The following RGS8 variants were observed in gnomAD, a reference collection of about 807,000 sequenced individuals.
RGS8 encodes the protein regulator of G protein signaling 8.
RGS8 carries 8 observed loss-of-function variants against 21.7 expected under a neutral mutation model. That is an observed-to-expected ratio of 0.37 (90% confidence interval 0.22 to 0.66). The LOEUF (loss-of-function observed/expected upper bound fraction) is 0.66. Ranked by LOEUF, RGS8 falls within the 30% of genes least tolerant of loss-of-function variation. The pLI, the probability that RGS8 is intolerant of heterozygous loss-of-function variation, is 0.59. For synonymous variants in RGS8, 80 were observed against 83.6 expected (o/e 0.96, Z 0.24); for missense variants, 157 against 217.9 (o/e 0.72, Z 1.76).
At chr1:182,662,558 G>A (rs12088107) in intron 5 of RGS8, among the ~76,000 whole-genome samples, 5,064 of 152,304 alleles carry the variant, frequency 0.033, 279 homozygotes, top group African/African-American at 0.12. Context: ...TCGCTTAATT[G>A]TCCAAAAGCA....
chr1:182,688,707 G>A (rs1290653472), upstream of RGS8, among the ~76,000 whole-genome samples: 1 of 152,136 alleles, frequency 6.6e-6, no homozygotes, highest in Non-Finnish European at 1.5e-5. Context: ...AACTATGAGA[G>A]GGACTCAACC....
At chr1:182,720,921 A>G in the RGS8 span, among the ~76,000 whole-genome samples, 468 of 104,560 alleles carry the variant, frequency 4.5e-3, 23 homozygotes, top group East Asian at 5.3e-3. Context: ...GTGTATATAC[A>G]TATATACATA....
chr1:182,735,681 C>T, the RGS8 span, among the ~76,000 whole-genome samples: 1 of 152,188 alleles, frequency 6.6e-6, no homozygotes, highest in Non-Finnish European at 1.5e-5. Flanking sequence ...TTGAATAAGT[C>T]TGTGCCTCTA....
intron 6 of RGS8, 56 bp from the exon 8 acceptor site, chr1:182,646,973 C>A: frequency 6.9e-7 from 1 of 1,445,516 alleles, no homozygotes; most frequent in Non-Finnish European, 9.5e-7. Flanking sequence ...AGGTTTCTGG[C>A]AGCTGGCCCT....
chr1:182,722,363 C>CAAAAAAAAAAAAAAA, the RGS8 span, among the ~76,000 whole-genome samples: 3 of 79,404 alleles, frequency 3.8e-5, no homozygotes, highest in African/African-American at 5.0e-5. Flanking sequence ...AGCAAATTAC[C>CAAAAAAAAAAAAAAA]AAAAAAAAAA....
At chr1:182,646,619 G>A (rs1390489746) in exon 7 of RGS8, 5 of 906,506 alleles carry the variant, frequency 5.5e-6, no homozygotes, top group African/African-American at 1.7e-5. Flanking sequence ...CTCACCCCCA[G>A]CCTCCCACCC....
intron 3 of RGS8, among the ~76,000 whole-genome samples, chr1:182,668,134 G>A (rs1392037814): frequency 6.6e-6 from 1 of 152,226 alleles, no homozygotes; most frequent in African/African-American, 2.4e-5. Context: ...TTGGGTAGTT[G>A]CAGCACAGAC....
chr1:182,651,818 T>C (rs929628616), intron 5 of RGS8, among the ~76,000 whole-genome samples: 2 of 151,602 alleles, frequency 1.3e-5, no homozygotes, highest in African/African-American at 4.9e-5. Context: ...GAAAAACAGC[T>C]GGAGCTGTGG....
chr1:182,646,630 C>A (rs150220933), exon 7 of RGS8: 1 of 1,091,246 alleles, frequency 9.2e-7, no homozygotes, highest in South Asian at 1.6e-5. Flanking sequence ...CCTCCCACCC[C>A]CAATGCCACC....
the RGS8 span, among the ~76,000 whole-genome samples, chr1:182,713,167 C>T: frequency 6.6e-6 from 1 of 151,994 alleles, no homozygotes; most frequent in East Asian, 1.9e-4. Flanking sequence ...AACAAAATTG[C>T]TCTCTTTATT....
chr1:182,708,783 G>T, the RGS8 span, among the ~76,000 whole-genome samples: 2 of 152,246 alleles, frequency 1.3e-5, no homozygotes, highest in Non-Finnish European at 2.9e-5. Flanking sequence ...CTTGGGAACT[G>T]TTGTGTCAGC....
At chr1:182,732,637 G>A in the RGS8 span, among the ~76,000 whole-genome samples, 281 of 152,284 alleles carry the variant, frequency 1.8e-3, no homozygotes, top group African/African-American at 6.4e-3. Flanking sequence ...AAACTTAAGT[G>A]TAATAGTGAC....
At chr1:182,746,582 G>A in the RGS8 span, among the ~76,000 whole-genome samples, 1 of 152,042 alleles carries the variant, frequency 6.6e-6, no homozygotes, top group Non-Finnish European at 1.5e-5. Context: ...AACTCAAAAG[G>A]CAGAGGTTGC....
chr1:182,678,892 C>T (rs1034369235), intron 1 of RGS8, among the ~76,000 whole-genome samples: 3 of 152,080 alleles, frequency 2.0e-5, no homozygotes, highest in South Asian at 2.1e-4. Flanking sequence ...ATCTCCTGTC[C>T]CATCAAGATC....
the RGS8 span, among the ~76,000 whole-genome samples, chr1:182,733,305 A>T: frequency 2.6e-5 from 4 of 152,244 alleles, no homozygotes; most frequent in East Asian, 7.7e-4. Flanking sequence ...GCCGTGCTCA[A>T]TATCCCAGGA....
At chr1:182,673,359 T>C (rs1414738803), upstream of RGS8, among the ~76,000 whole-genome samples, 1 of 152,064 alleles carries the variant, frequency 6.6e-6, no homozygotes, top group Non-Finnish European at 1.5e-5. Context: ...CCAGAAAAGG[T>C]GATGTACCTT....
chr1:182,688,484 C>T (rs1664753809), upstream of RGS8, among the ~76,000 whole-genome samples: 1 of 152,126 alleles, frequency 6.6e-6, no homozygotes, highest in Non-Finnish European at 1.5e-5. Flanking sequence ...TATGTGATGG[C>T]CCCAGAAAAT....
At chr1:182,669,877 G>A (rs1664070882) in intron 2 of RGS8, 125 bp from the exon 4 acceptor site, 2 of 1,081,840 alleles carry the variant, frequency 1.8e-6, no homozygotes, top group African/African-American at 1.6e-5. Flanking sequence ...CCCCACAAAT[G>A]TCCACTTGTC....
the RGS8 span, among the ~76,000 whole-genome samples, chr1:182,726,947 G>A: frequency 6.6e-6 from 1 of 152,114 alleles, no homozygotes; most frequent in Non-Finnish European, 1.5e-5. Context: ...GCTGCAGCAG[G>A]CTTCTTCACC....
Sources: gnomAD v4.1 joint callset for allele counts (sites outside exome capture counted in the v4.1 genomes callset) on GRCh38, gnomAD v4.1.1 for gene constraint, MANE v1.5 for transcripts, NCBI Gene and HGNC (gene_info 2026-07-23, HGNC 2026-07-21) for gene names.